AMD1: variants seen among roughly 807,000 people sequenced by gnomAD.
AMD1 encodes adenosylmethionine decarboxylase 1.
A neutral mutation model predicts 40.2 loss-of-function variants in AMD1; 11 were observed. The ratio of observed to expected loss-of-function variants is 0.27; its 90% CI spans 0.17 to 0.45. The LOEUF (loss-of-function observed/expected upper bound fraction) is 0.45, where lower values mean the gene tolerates loss of function less well. AMD1 is among the 20% of genes least tolerant of loss of function. The pLI is 1.00. For missense variants in AMD1, 257 were observed against 410.2 expected (o/e 0.63, Z 3.23); for synonymous variants, 121 against 130.8 (o/e 0.93, Z 0.51).
At chr6:110,884,290 G>A (rs1785567542) in intron 1 of AMD1, among the ~76,000 whole-genome samples, 1 of 152,224 alleles carries the variant, frequency 6.6e-6, no homozygotes, top group Non-Finnish European at 1.5e-5. Flanking sequence ...GATGTAACAT[G>A]TCAAAATATC....
rs1786182822 is a variant in AMD1, at chr6:110,894,158, T to C, written c.*542T>C. On this transcript the variant is annotated 3_prime_UTR_variant, in exon 9 of 9. Transcript: ENST00000368885. ...GTTTTTGGAAACAGCAATTAAAGTT[T>C]TTCTTCCATGAGTTGAGTCCTTAAG... 1 of 152,860 alleles carries C rather than the reference T, an allele frequency of 6.5e-6. No homozygotes were observed. Among genetic ancestry groups the C allele is most frequent in the Admixed American group, 6.5e-5 (1 of 15,312 alleles). 9.5% of individuals were successfully genotyped at this position (152,860 alleles called of 1,614,324 possible).
Position 110,892,728 on chromosome 6 carries a change from C to CG in AMD1, c.616-7_616-6insG, listed in dbSNP as rs777312678. ...CCTTGTTAAACTCGGTCTTTTTCCCCCCCCAGGAGAGTGGAATTCGTGACC... is the reference window on the plus strand; with the variant it reads ...CCTTGTTAAACTCGGTCTTTTTCCCCGCCCCAGGAGAGTGGAATTCGTGACC... On this transcript the variant is annotated splice_region_variant and splice_polypyrimidine_tract_variant and intron_variant, in intron 6 of 8. Coordinates refer to ENST00000368885, the MANE Select transcript of AMD1 (RefSeq NM_001634.6). 9 of 1,608,016 alleles carry CG rather than the reference C, an allele frequency of 5.6e-6. No homozygotes were observed. The highest frequency in any genetic ancestry group is 1.7e-5 in the Admixed American group (1 of 59,764).
At chr6:110,836,882 C>A in the AMD1 span, among the ~76,000 whole-genome samples, 5 of 152,044 alleles carry the variant, frequency 3.3e-5, no homozygotes, top group African/African-American at 9.7e-5. Context: ...GGCTAGGCAC[C>A]TTGACTCACA....
intron 8 of AMD1, 30 bp from the exon 9 acceptor site, chr6:110,893,446 C>A: frequency 6.2e-7 from 1 of 1,611,714 alleles, no homozygotes; most frequent in Non-Finnish European, 8.5e-7. Context: ...GGATTGCAAA[C>A]ACTAACGGTT....
chr6:110,866,922 T>C, the AMD1 span, among the ~76,000 whole-genome samples: 7 of 151,926 alleles, frequency 4.6e-5, no homozygotes, highest in African/African-American at 1.7e-4. Flanking sequence ...CAAGCTAGTC[T>C]CCTGCCTCAG....
At chr6:110,839,855 A>G in the AMD1 span, among the ~76,000 whole-genome samples, 2 of 152,112 alleles carry the variant, frequency 1.3e-5, no homozygotes, top group African/African-American at 4.8e-5. Context: ...GGAGGCTATC[A>G]GGTTCGGAAA....
At chr6:110,830,095 A>G in the AMD1 span, among the ~76,000 whole-genome samples, 1 of 151,578 alleles carries the variant, frequency 6.6e-6, no homozygotes, top group Non-Finnish European at 1.5e-5. Flanking sequence ...GCTCACTGCA[A>G]CCTCCACCTC....
the AMD1 span, among the ~76,000 whole-genome samples, chr6:110,860,870 C>CAGAGAG: frequency 2.6e-3 from 368 of 142,596 alleles, 9 homozygotes; most frequent in East Asian, 0.047. Flanking sequence ...CACACACACA[C>CAGAGAG]AGAGAGAGAG....
At chr6:110,855,465 T>C in the AMD1 span, among the ~76,000 whole-genome samples, 3 of 152,146 alleles carry the variant, frequency 2.0e-5, no homozygotes, top group African/African-American at 7.2e-5. Context: ...TAAAGTTACA[T>C]AGATTATGTA....
intron 1 of AMD1, among the ~76,000 whole-genome samples, chr6:110,879,672 G>A (rs1249434212): frequency 2.6e-5 from 4 of 152,150 alleles, no homozygotes; most frequent in Admixed American, 1.3e-4. Flanking sequence ...GCACCCTGAT[G>A]AATGTACTGT....
At position 110,894,092 on chromosome 6, in the gene AMD1, T is replaced by C. The variant is rs1220705087; in HGVS notation, c.*476T>C. The C allele has an allele frequency of 6.5e-6, 1 of 153,276 alleles. No individual in the cohort carries two copies. 9.5% of individuals were successfully genotyped at this position (153,276 alleles called of 1,614,324 possible). On this transcript the variant is annotated 3_prime_UTR_variant, in exon 9 of 9. Coordinates refer to ENST00000368885, the MANE Select transcript of AMD1 (RefSeq NM_001634.6). Reference sequence around the variant, plus strand: ...TACCTCCACTTTCTAGAACATATTCTTTACTAATGTTATTGAAACCAATTT... The same window carrying C: ...TACCTCCACTTTCTAGAACATATTCCTTACTAATGTTATTGAAACCAATTT...
the AMD1 span, among the ~76,000 whole-genome samples, chr6:110,830,633 T>C: frequency 6.6e-6 from 1 of 152,240 alleles, no homozygotes; most frequent in African/African-American, 2.4e-5. Context: ...GCACACTGTC[T>C]ATGGGGTAGC....
At chr6:110,853,613 G>A in the AMD1 span, among the ~76,000 whole-genome samples, 1 of 151,910 alleles carries the variant, frequency 6.6e-6, no homozygotes, top group Non-Finnish European at 1.5e-5. Context: ...GGCCATTTTT[G>A]TATTTTTAGT....
At chr6:110,892,249 T>C in intron 5 of AMD1, 46 bp downstream of exon 5, 1 of 1,613,742 alleles carries the variant, frequency 6.2e-7, no homozygotes, top group South Asian at 1.1e-5. Flanking sequence ...CTATGTAAGA[T>C]TTAAACTGCC....
the AMD1 span, among the ~76,000 whole-genome samples, chr6:110,839,011 C>T: frequency 1.3e-5 from 2 of 152,290 alleles, no homozygotes; most frequent in East Asian, 1.9e-4. Flanking sequence ...GGGTGATCCA[C>T]GAGCCTCAGC....
At chr6:110,869,541 C>T in the AMD1 span, among the ~76,000 whole-genome samples, 1 of 146,704 alleles carries the variant, frequency 6.8e-6, no homozygotes, top group African/African-American at 2.5e-5. Context: ...CAGAGTTTCA[C>T]TCTTGTTGCC....
chr6:110,886,222 C>CA (rs34012901), intron 1 of AMD1, among the ~76,000 whole-genome samples: 13 of 139,084 alleles, frequency 9.3e-5, no homozygotes, highest in Admixed American at 1.4e-4. Flanking sequence ...GACTCAGTCT[C>CA]AAAAAAAAAA....
At position 110,895,078 on chromosome 6, in the gene AMD1, A is replaced by G. The variant is rs1047786992; in HGVS notation, c.*1462A>G. 3.9e-5 allele frequency: 6 copies of G among 152,246 alleles called. No individual in the cohort carries two copies. The highest frequency in any genetic ancestry group is 1.2e-4 in the African/African-American group (5 of 41,484). The allele number at this position is 152,246 out of a possible 1,614,324, so 9.4% of individuals were successfully genotyped here. ...TTCTCTGGGATTTTAAGGAACTGAG[A>G]AAACAGCAAAGTTGACTAAATTTTA... On this transcript the variant is annotated 3_prime_UTR_variant, in exon 9 of 9. Coordinates refer to ENST00000368885, the MANE Select transcript of AMD1 (RefSeq NM_001634.6).
chr6:110,849,616 C>T, the AMD1 span, among the ~76,000 whole-genome samples: 1 of 152,054 alleles, frequency 6.6e-6, no homozygotes, highest in East Asian at 1.9e-4. Flanking sequence ...GTTACATTTA[C>T]ACAATTTTTT....
Sources: allele counts gnomAD v4.1 joint callset (sites outside exome capture counted in the v4.1 genomes callset), GRCh38; gene constraint gnomAD v4.1.1; transcripts MANE v1.5; gene names NCBI Gene and HGNC (gene_info 2026-07-23, HGNC 2026-07-21).